Variants in UBN1 observed in about 807,000 individuals in gnomAD.
UBN1 encodes ubinuclein 1.
A neutral mutation model predicts 108.5 loss-of-function variants in UBN1; 17 were observed. The observed-to-expected ratio is 0.16, with a 90% CI of 0.11 to 0.24. The LOEUF is 0.24. Among genes scored for constraint, UBN1 ranks in the 10% least tolerant of loss-of-function variants. The pLI is 1.00. For missense variants in UBN1, 1,595 were observed against 1,394.4 expected, an observed-to-expected ratio of 1.14 and a Z score of -2.29; for synonymous variants, 726 against 564.2, an observed-to-expected ratio of 1.29 and a Z score of -4.07.
rs377732550 is a variant in UBN1, at chr16:4,880,060, T to C, written c.3356-23T>C. The C allele has an allele frequency of 6.0e-5, 97 of 1,613,928 alleles. No individual in the cohort carries two copies. The African/African-American group carries it at 1.1e-3, about 19-fold the overall frequency. The stretch of plus-strand genomic sequence containing the variant: ...CAGAGAGCATGAAAAACTTGCGTTC[T>C]AATTTTTCTTACTCTTTTCCAGGTG... On this transcript the variant is annotated intron_variant, in intron 17 of 17. Transcript: ENST00000262376.
At chr16:4,851,632 A>G (rs2086562013) in intron 1 of UBN1, among the ~76,000 whole-genome samples, 1 of 152,172 alleles carries the variant, frequency 6.6e-6, no homozygotes, top group South Asian at 2.1e-4. Flanking sequence ...CAGCCTGGGC[A>G]ACATAGTGGG....
At chr16:4,850,674 C>G (rs772434025) in intron 1 of UBN1, among the ~76,000 whole-genome samples, 15 of 152,180 alleles carry the variant, frequency 9.9e-5, no homozygotes, top group Non-Finnish European at 1.9e-4. Context: ...TATTTTAACT[C>G]TTCATTTGTA....
At chr16:4,859,831 A>T in intron 5 of UBN1, 34 bp from the exon 6 acceptor site, 1 of 1,612,840 alleles carries the variant, frequency 6.2e-7, no homozygotes, top group Non-Finnish European at 8.5e-7. Context: ...TGAGTTAGGG[A>T]GCCGTGTAAC....
intron 15 of UBN1, among the ~76,000 whole-genome samples, chr16:4,875,916 ACAG>A (rs1393949029): frequency 3.9e-5 from 6 of 151,936 alleles, no homozygotes; most frequent in African/African-American, 1.4e-4. Context: ...GTGTGTAATC[ACAG>A]CAGGTTCGGG....
intron 1 of UBN1, among the ~76,000 whole-genome samples, chr16:4,849,069 C>T (rs1042814058): frequency 2.0e-5 from 3 of 152,180 alleles, no homozygotes; most frequent in Admixed American, 6.5e-5. Flanking sequence ...CACTGCACTC[C>T]AGCTAGGCGA....
chr16:4,877,956 G>T lies in UBN1; in HGVS notation c.3355+482G>T. Reference sequence around the variant, plus strand: ...CATTAAAGGGAAAATCCAGGTAGCAGCCAGAGGCCACAGTGCAAGACTTTG... The same window carrying T: ...CATTAAAGGGAAAATCCAGGTAGCATCCAGAGGCCACAGTGCAAGACTTTG... On this transcript the variant is annotated intron_variant, in intron 17 of 17. Transcript: ENST00000262376. The surrounding 1 kb of genome is among the most constrained non-coding windows in gnomAD (Gnocchi z 4.3). 1.9e-6 allele frequency: 1 copy of T among 526,130 alleles called. No homozygotes were observed. Among genetic ancestry groups the T allele is most frequent in the Non-Finnish European group, 2.4e-6 (1 of 410,690 alleles). 32.6% of individuals were successfully genotyped at this position (526,130 alleles called of 1,614,324 possible). A position where few individuals can be genotyped will look rare whatever the true frequency, so the allele number is the denominator to read the frequency against.
At chr16:4,861,337 G>T (rs1281131075) in intron 7 of UBN1, among the ~76,000 whole-genome samples, 1 of 152,192 alleles carries the variant, frequency 6.6e-6, no homozygotes, top group African/African-American at 2.4e-5. Flanking sequence ...GCTTTCTTCT[G>T]GGGAGATTGT....
Position 4,877,842 on chromosome 16 carries a change from G to A in UBN1, c.3355+368G>A. 9.9e-7 allele frequency: 1 copy of A among 1,008,184 alleles called. No homozygotes were observed. Among genetic ancestry groups the A allele is most frequent in the Non-Finnish European group, 1.2e-6 (1 of 845,578 alleles). The allele number at this position is 1,008,184 out of a possible 1,614,324, so 62.5% of individuals were successfully genotyped here. On this transcript the variant is annotated intron_variant, in intron 17 of 17. Coordinates refer to ENST00000262376, the MANE Select transcript of UBN1 (RefSeq NM_001079514.3). This position sits in a 1 kb window ranked among gnomAD's most constrained non-coding sequence, Gnocchi z 4.3. ...AAGGTAATGGTGCATCTTCTCCAAGGGCTAATTGGGTACAACAAGGTCTTG... is the reference window on the plus strand; with the variant it reads ...AAGGTAATGGTGCATCTTCTCCAAGAGCTAATTGGGTACAACAAGGTCTTG...
At chr16:4,878,101 A>C (rs1386301464) in intron 17 of UBN1, among the ~76,000 whole-genome samples, 2 of 152,090 alleles carry the variant, frequency 1.3e-5, no homozygotes, top group Non-Finnish European at 2.9e-5. Flanking sequence ...AACTTCTAAA[A>C]GCCTCAGGCT....
intron 2 of UBN1, among the ~76,000 whole-genome samples, chr16:4,854,936 A>G (rs906671992): frequency 2.0e-5 from 3 of 151,466 alleles, no homozygotes; most frequent in Non-Finnish European, 2.9e-5. Context: ...GTTAGCCAGG[A>G]TGGTCTCGAT....
rs540758999 is a variant in UBN1 at position 4,856,316 on chromosome 16, G to C, written c.250-1674G>C. Among the ~76,000 whole-genome samples the C allele has an allele frequency of 2.0e-5, 3 of 152,286 alleles. No homozygotes were observed. In the South Asian group the frequency reaches 6.2e-4, roughly 32 times the overall value. ...TCAGAGGATTCAGTCCTGGACTTCGGGTTCAGAACTCCTAAATCGTCGTGG... is the reference window on the plus strand; with the variant it reads ...TCAGAGGATTCAGTCCTGGACTTCGCGTTCAGAACTCCTAAATCGTCGTGG... On this transcript the variant is annotated intron_variant, in intron 2 of 17. Transcript: ENST00000262376.
At chr16:4,875,491 G>A in intron 15 of UBN1, 57 bp downstream of exon 15, 1 of 1,548,528 alleles carries the variant, frequency 6.5e-7, no homozygotes, top group Non-Finnish European at 8.7e-7. Context: ...TTGGGGATGA[G>A]GTTGCTTGCC....
intron 17 of UBN1, among the ~76,000 whole-genome samples, chr16:4,879,728 G>A (rs1264146067): frequency 6.6e-6 from 1 of 152,228 alleles, no homozygotes; most frequent in African/African-American, 2.4e-5. Context: ...GATGGTAAGA[G>A]AATGAATGAT....
chr16:4,876,564 G>C (rs754098811), intron 15 of UBN1, among the ~76,000 whole-genome samples: 2 of 148,906 alleles, frequency 1.3e-5, no homozygotes, highest in African/African-American at 2.5e-5. Flanking sequence ...GTCTGGCTCT[G>C]TCACCTAGGC....
chr16:4,858,861 T>A, intron 4 of UBN1, 164 bp from the exon 5 acceptor site: 1 of 1,058,682 alleles, frequency 9.4e-7, no homozygotes. Flanking sequence ...ACCAGATCTG[T>A]CCAAAACACC....
intron 12 of UBN1, among the ~76,000 whole-genome samples, chr16:4,871,630 G>C (rs1444134436): frequency 3.9e-5 from 5 of 129,106 alleles, no homozygotes; most frequent in Admixed American, 9.6e-5. Flanking sequence ...TCTGTTGCCT[G>C]GGCTGGAGTG....
At chr16:4,865,604 A>G (rs1029000662) in intron 7 of UBN1, among the ~76,000 whole-genome samples, 1 of 152,058 alleles carries the variant, frequency 6.6e-6, no homozygotes, top group African/African-American at 2.4e-5. Flanking sequence ...CTGGGAGGTC[A>G]AGGCTGTATG....
chr16:4,880,117 A>G lies in UBN1; in HGVS notation c.3390A>G (p.Val1130=). ...AGCTTCACGGGAAAGGGCCTGCTGT[A>G]CCACGGAAATTGTGACCGCTTCAGA... The part of the protein sequence containing the change: ...ASQLHGKGPA[V]PRKL Residue 1130 remains valine, a synonymous_variant, in exon 18 of 18, where the codon GTA becomes GTG. Transcript: ENST00000262376. 6.2e-7 allele frequency: 1 copy of G among 1,613,990 alleles called. No homozygotes were observed. Among genetic ancestry groups the G allele is most frequent in the Non-Finnish European group, 8.5e-7 (1 of 1,179,990 alleles).
Position 4,868,774 on chromosome 16 carries a change from A to G in UBN1, c.1111-59A>G, listed in dbSNP as rs924729288. ...GCGATGACTCCTGTGCCTGTGGGTG[A>G]GCGTAAGGGACATGTGGGGAAAGTG... On this transcript the variant is annotated intron_variant, in intron 7 of 17. Transcript: ENST00000262376. 30 of 1,555,420 alleles carry G rather than the reference A, an allele frequency of 1.9e-5. 1 individual carries two copies. Among genetic ancestry groups the G allele is most frequent in the Middle Eastern group, 2.0e-4 (1 of 4,954 alleles).
Sources: gnomAD v4.1 joint callset for allele counts (sites outside exome capture counted in the v4.1 genomes callset) on GRCh38, gnomAD v4.1.1 for gene constraint, Gnocchi (gnomAD v3.1) non-coding constraint, MANE v1.5 for transcripts, NCBI Gene and HGNC (gene_info 2026-07-23, HGNC 2026-07-21) for gene names.